TENM3: variants seen among roughly 807,000 people sequenced by gnomAD.
TENM3 encodes teneurin transmembrane protein 3.
TENM3 carries 63 observed loss-of-function variants against 255.1 expected under a neutral mutation model. That is an observed-to-expected ratio of 0.25 (90% confidence interval 0.20 to 0.30). TENM3 has a LOEUF of 0.30. Among genes scored for constraint, TENM3 ranks in the 10% least tolerant of loss-of-function variants. The pLI is 1.00. For missense variants in TENM3, 2,929 were observed against 3,461.1 expected, an observed-to-expected ratio of 0.85 and a Z score of 3.86; for synonymous variants, 1,306 against 1,322.3, an observed-to-expected ratio of 0.99 and a Z score of 0.27.
chr4:181,663,231 C>T, the TENM3 span, among the ~76,000 whole-genome samples: 1 of 152,098 alleles, frequency 6.6e-6, no homozygotes, highest in Non-Finnish European at 1.5e-5. Flanking sequence ...TCTTCCTTTT[C>T]CTGTTCCTGA....
chr4:181,964,907 G>A, the TENM3 span, among the ~76,000 whole-genome samples: 4 of 152,108 alleles, frequency 2.6e-5, no homozygotes, highest in African/African-American at 4.8e-5. Flanking sequence ...CCCCTTTGAC[G>A]AAAAAGTTCA....
chr4:182,279,805 A>G (rs1579998645), intron 1 of TENM3, among the ~76,000 whole-genome samples: 2 of 152,284 alleles, frequency 1.3e-5, no homozygotes, highest in South Asian at 4.1e-4. Context: ...GTCACATCCC[A>G]GGAGCTCTGT....
chr4:182,067,829 G>C, the TENM3 span, among the ~76,000 whole-genome samples: 8 of 152,104 alleles, frequency 5.3e-5, no homozygotes, highest in Non-Finnish European at 1.2e-4. Flanking sequence ...TGTTGAAAAA[G>C]TTTGTGTTAC....
At chr4:182,403,770 G>A (rs938393190) in intron 3 of TENM3, among the ~76,000 whole-genome samples, 5 of 152,146 alleles carry the variant, frequency 3.3e-5, no homozygotes, top group Non-Finnish European at 7.3e-5. Context: ...TCACCAGGCT[G>A]TGGTGCAGTG....
the TENM3 span, among the ~76,000 whole-genome samples, chr4:181,910,084 ATAAAG>A: frequency 1.1e-3 from 161 of 152,350 alleles, 1 homozygote; most frequent in African/African-American, 3.8e-3. Context: ...CATGTGTAAC[ATAAAG>A]TAATGACACC....
At chr4:181,672,127 C>G in the TENM3 span, among the ~76,000 whole-genome samples, 1 of 152,090 alleles carries the variant, frequency 6.6e-6, no homozygotes, top group African/African-American at 2.4e-5. Flanking sequence ...ATGATAAAAA[C>G]GCTGTGATAG....
At chr4:182,290,798 C>T (rs7698426) in intron 1 of TENM3, among the ~76,000 whole-genome samples, 16,085 of 147,634 alleles carry the variant, frequency 0.11, 1,010 homozygotes, top group Middle Eastern at 0.23. Context: ...CCACCGTGCC[C>T]GGCCAAAAAG....
At chr4:181,690,232 G>A in the TENM3 span, among the ~76,000 whole-genome samples, 6 of 88,122 alleles carry the variant, frequency 6.8e-5, no homozygotes, top group Admixed American at 1.7e-4. Context: ...GCACATGCGC[G>A]TGAGCGTGCA....
At chr4:181,641,765 T>G in the TENM3 span, among the ~76,000 whole-genome samples, 1 of 121,074 alleles carries the variant, frequency 8.3e-6, no homozygotes, top group Non-Finnish European at 1.7e-5. Context: ...TGTGTATATA[T>G]ATATATACAT....
intron 3 of TENM3, among the ~76,000 whole-genome samples, chr4:182,464,445 C>T (rs1732391035): frequency 6.6e-6 from 1 of 152,036 alleles, no homozygotes; most frequent in African/African-American, 2.4e-5. Flanking sequence ...TTAGTAGAGA[C>T]AGGGTTTCAC....
chr4:181,694,224 C>T, the TENM3 span, among the ~76,000 whole-genome samples: 2 of 152,168 alleles, frequency 1.3e-5, no homozygotes, highest in Admixed American at 1.3e-4. Context: ...CAAAGAAACA[C>T]AGCCTACATC....
chr4:182,263,258 C>T (rs1279681223), intron 1 of TENM3, among the ~76,000 whole-genome samples: 2 of 152,036 alleles, frequency 1.3e-5, no homozygotes, highest in East Asian at 3.9e-4. Context: ...GATTGGGTGA[C>T]AGTGGATAAG....
intron 3 of TENM3, among the ~76,000 whole-genome samples, chr4:182,596,633 G>A (rs952676683): frequency 1.3e-5 from 2 of 152,178 alleles, no homozygotes; most frequent in African/African-American, 2.4e-5. Context: ...GCATGGAGTG[G>A]CTACAGCAAG....
the TENM3 span, among the ~76,000 whole-genome samples, chr4:181,837,313 G>A: frequency 1.3e-5 from 2 of 152,044 alleles, no homozygotes; most frequent in African/African-American, 4.8e-5. Flanking sequence ...TATTTTAAAT[G>A]TTTTACTGTT....
chr4:181,673,758 A>T, the TENM3 span, among the ~76,000 whole-genome samples: 4 of 152,102 alleles, frequency 2.6e-5, no homozygotes, highest in Admixed American at 6.6e-5. Context: ...CTTCATTCTT[A>T]ATTCAAAATC....
the TENM3 span, among the ~76,000 whole-genome samples, chr4:181,501,528 C>T: frequency 1.3e-5 from 2 of 152,000 alleles, no homozygotes; most frequent in Admixed American, 1.3e-4. Context: ...CAGGCACCCG[C>T]CACCACGTCT....
chr4:182,634,148 AC>A (rs1462323027), intron 5 of TENM3, among the ~76,000 whole-genome samples: 3 of 152,194 alleles, frequency 2.0e-5, no homozygotes, highest in Non-Finnish European at 4.4e-5. Flanking sequence ...TTCTGTTTCC[AC>A]ACTGTCCAAT....
Position 182,768,953 on chromosome 4 carries a change from T to TG in TENM3, c.4893-4513dup, listed in dbSNP as rs199528582. On this transcript the variant is annotated intron_variant, in intron 22 of 27. Coordinates refer to ENST00000511685, the MANE Select transcript of TENM3 (RefSeq NM_001080477.4). ...TGAGGCTAAGGCCAGAGGAATGCAA[T>TG]GGGGGGCATGAAGTTGATGTTCTAT... Among the ~76,000 whole-genome samples the TG allele has an allele frequency of 4.3e-3, 653 of 152,178 alleles. 9 individuals are homozygous for TG. The highest frequency in any genetic ancestry group is 0.015 in the African/African-American group (635 of 41,512).
At chr4:182,151,145 A>G (rs936512751) in intron 1 of TENM3, among the ~76,000 whole-genome samples, 10 of 152,086 alleles carry the variant, frequency 6.6e-5, no homozygotes, top group African/African-American at 2.4e-4. Flanking sequence ...TGTGGCTTCT[A>G]TACTGGGATG....
Sources: allele counts gnomAD v4.1 joint callset (sites outside exome capture counted in the v4.1 genomes callset), GRCh38; gene constraint gnomAD v4.1.1; transcripts MANE v1.5; gene names NCBI Gene and HGNC (gene_info 2026-07-23, HGNC 2026-07-21).